ATXN10: variants seen among roughly 807,000 people sequenced by gnomAD.
ATXN10 encodes ataxin-10.
In ATXN10, 28 loss-of-function variants were observed where a neutral mutation model predicts 52.9. The observed-to-expected ratio is 0.53, with a 90% CI of 0.39 to 0.73. The LOEUF is 0.73. Ranked by LOEUF, ATXN10 falls within the 30% of genes least tolerant of loss-of-function variation. ATXN10 has a pLI of 0.00. For synonymous variants in ATXN10, 226 were observed against 221.5 expected (o/e 1.02, Z -0.18); for missense variants, 565 against 577.0 (o/e 0.98, Z 0.21).
rs557605476 is a variant in ATXN10 at position 45,752,091 on chromosome 22, A to G, written c.1173+11553A>G. Reference sequence around the variant, plus strand: ...TTAGTTTGAATTCAAACCTACTGCTATATTGCAGTTAAAGTTGGGAATATT... The same window carrying G: ...TTAGTTTGAATTCAAACCTACTGCTGTATTGCAGTTAAAGTTGGGAATATT... On this transcript the variant is annotated intron_variant, in intron 9 of 11. Coordinates refer to ENST00000252934, the MANE Select transcript of ATXN10 (RefSeq NM_013236.4). Among the ~76,000 whole-genome samples, 9 of 152,288 alleles carry G rather than the reference A, an allele frequency of 5.9e-5. No individual in the cohort carries two copies. The South Asian group carries it at 1.2e-3, about 21-fold the overall frequency.
At chr22:45,822,971 T>A in intron 10 of ATXN10, 1 of 192,244 alleles carries the variant, frequency 5.2e-6, no homozygotes, top group Non-Finnish European at 1.1e-5. Flanking sequence ...AGGATAAAAA[T>A]TATTTGTTCA....
At chr22:45,760,866 A>C (rs1926363626) in intron 9 of ATXN10, among the ~76,000 whole-genome samples, 1 of 152,110 alleles carries the variant, frequency 6.6e-6, no homozygotes, top group Admixed American at 6.5e-5. Context: ...ATCCTCACTG[A>C]TAAGAGCCCC....
rs1924519838 is a variant in ATXN10, at chr22:45,718,286, T to C, written c.648-127T>C. 1 of 800,770 alleles carries C rather than the reference T, an allele frequency of 1.2e-6. No individual in the cohort carries two copies. Among genetic ancestry groups the C allele is most frequent in the Middle Eastern group, 2.5e-4 (1 of 3,942 alleles). The allele number at this position is 800,770 out of a possible 1,614,324, so 49.6% of individuals were successfully genotyped here. A position where few individuals can be genotyped will look rare whatever the true frequency, so the allele number is the denominator to read the frequency against. ...GTGAACCTTTTAAGACATTTAAGAT[T>C]ACAGCAAATCAAAAATTCACTGAAA... On this transcript the variant is annotated intron_variant, in intron 5 of 11. Coordinates refer to ENST00000252934, the MANE Select transcript of ATXN10 (RefSeq NM_013236.4). This position sits in a 1 kb window ranked among gnomAD's most constrained non-coding sequence, Gnocchi z 4.4.
chr22:45,693,323 T>C (rs184505238), intron 3 of ATXN10, among the ~76,000 whole-genome samples: 1 of 152,218 alleles, frequency 6.6e-6, no homozygotes, highest in African/African-American at 2.4e-5. Context: ...CAAAATGCCT[T>C]AGGCTGGGTA....
chr22:45,740,679 TAC>T (rs74268525), intron 9 of ATXN10, 141 bp downstream of exon 9: 8,250 of 391,140 alleles, frequency 0.021, 86 homozygotes, highest in South Asian at 0.028. Context: ...TTTATATGAA[TAC>T]ACACACACAC....
At position 45,790,832 on chromosome 22, in the gene ATXN10, C is replaced by T. The variant is rs950071557; in HGVS notation, c.1174-16127C>T. ...ATCCTGACCTTCTAGATCTTATTTC[C>T]CATTTCATTTATTTTTATTGTTTAT... is the stretch of plus-strand genomic sequence containing the variant. On this transcript the variant is annotated intron_variant, in intron 9 of 11. Coordinates refer to ENST00000252934, the MANE Select transcript of ATXN10 (RefSeq NM_013236.4). The surrounding 1 kb of genome is among the most constrained non-coding windows in gnomAD (Gnocchi z 4.7). Among the ~76,000 whole-genome samples, 3 of 152,140 alleles carry T rather than the reference C, an allele frequency of 2.0e-5. No individual in the cohort carries two copies. The highest frequency in any genetic ancestry group is 7.2e-5 in the African/African-American group (3 of 41,426).
rs534866039 is a variant in ATXN10 at position 45,816,974 on chromosome 22, C to G, written c.1237+9952C>G. On this transcript the variant is annotated intron_variant, in intron 10 of 11. Coordinates refer to ENST00000252934, the MANE Select transcript of ATXN10 (RefSeq NM_013236.4). This position sits in a 1 kb window ranked among gnomAD's most constrained non-coding sequence, Gnocchi z 5.8. ...CCTCAGGGAAGTGTCTTAAACACCTCGAGATGGCGCAGCTGGCTAGGCTCG... is the reference window on the plus strand; with the variant it reads ...CCTCAGGGAAGTGTCTTAAACACCTGGAGATGGCGCAGCTGGCTAGGCTCG... 1.3e-5 allele frequency among the ~76,000 whole-genome samples: 2 copies of G among 152,214 alleles called. No homozygotes were observed. The highest frequency in any genetic ancestry group is 4.2e-4 in the South Asian group (2 of 4,816).
chr22:45,738,453 G>A (rs1292943047), intron 7 of ATXN10: 1 of 381,754 alleles, frequency 2.6e-6, no homozygotes, highest in African/African-American at 2.1e-5. Context: ...CTTTTTGCTT[G>A]AATAAGAACT....
In ATXN10 at chr22:45,835,863, A is replaced by G. The variant is rs551082054; in HGVS notation, c.1238-7128A>G. On this transcript the variant is annotated intron_variant, in intron 10 of 11. Transcript: ENST00000252934. This position sits in a 1 kb window ranked among gnomAD's most constrained non-coding sequence, Gnocchi z 5.0. ...TAGTATTTTTTTTAACACTTTCAGTATTAGCAATTAGCCATTAATTGGTAA... is the reference window on the plus strand; with the variant it reads ...TAGTATTTTTTTTAACACTTTCAGTGTTAGCAATTAGCCATTAATTGGTAA... 1.3e-5 allele frequency among the ~76,000 whole-genome samples: 2 copies of G among 152,288 alleles called. No individual in the cohort carries two copies. The highest frequency in any genetic ancestry group is 3.9e-4 in the East Asian group (2 of 5,190).
intron 10 of ATXN10, among the ~76,000 whole-genome samples, chr22:45,815,573 T>C (rs923882411): frequency 6.6e-6 from 1 of 152,158 alleles, no homozygotes; most frequent in African/African-American, 2.4e-5. Context: ...TTCACTTTTT[T>C]CCTTTCCCTC....
At position 45,822,145 on chromosome 22, in the gene ATXN10, T is replaced by C. The variant is rs367951221; in HGVS notation, c.1237+15123T>C. Reference sequence around the variant, plus strand: ...ATGACTCTGAGATTCACCAAAATTGTGTTTGGTCTATTTTATAGCATTTCA... The same window carrying C: ...ATGACTCTGAGATTCACCAAAATTGCGTTTGGTCTATTTTATAGCATTTCA... On this transcript the variant is annotated intron_variant, in intron 10 of 11. Coordinates refer to ENST00000252934, the MANE Select transcript of ATXN10 (RefSeq NM_013236.4). Among the ~76,000 whole-genome samples the C allele has an allele frequency of 1.1e-4, 16 of 152,350 alleles. No individual in the cohort carries two copies. In the East Asian group the frequency reaches 1.2e-3, roughly 11 times the overall value.
At chr22:45,679,748 G>A (rs1260801133) in intron 1 of ATXN10, 3 of 152,158 alleles carry the variant, frequency 2.0e-5, no homozygotes, top group African/African-American at 4.8e-5. Context: ...AGAGTGTGCT[G>A]GCAATTTCCT....
chr22:45,701,577 C>T lies in ATXN10; in HGVS notation c.489-1112C>T, dbSNP rs1004038063. On this transcript the variant is annotated intron_variant, in intron 4 of 11. Coordinates refer to ENST00000252934, the MANE Select transcript of ATXN10 (RefSeq NM_013236.4). This position sits in a 1 kb window ranked among gnomAD's most constrained non-coding sequence, Gnocchi z 4.2. ...GAGCTTAGGTGGAAGAAGAGAATTA[C>T]GAAATTCAAGCTACAGAAATAGGCA... Among the ~76,000 whole-genome samples, 6 of 152,270 alleles carry T rather than the reference C, an allele frequency of 3.9e-5. No homozygotes were observed. The highest frequency in any genetic ancestry group is 1.9e-4 in the East Asian group (1 of 5,186).
At chr22:45,740,601 A>C (rs1308047077) in intron 9 of ATXN10, 63 bp downstream of exon 9, 2 of 1,529,726 alleles carry the variant, frequency 1.3e-6, no homozygotes, top group Admixed American at 3.4e-5. Context: ...AGTCCTTGGA[A>C]GACATTCACT....
In ATXN10 at chr22:45,835,369, G is replaced by A. The variant is rs900377726; in HGVS notation, c.1238-7622G>A. On this transcript the variant is annotated intron_variant, in intron 10 of 11. Coordinates refer to ENST00000252934, the MANE Select transcript of ATXN10 (RefSeq NM_013236.4). This position sits in a 1 kb window ranked among gnomAD's most constrained non-coding sequence, Gnocchi z 5.0. ...GCACTGGTGCCACAGCCCTTCGCTC[G>A]GGCCCACGGGGTGCAGTGGAGGAAG... 3.9e-5 allele frequency among the ~76,000 whole-genome samples: 6 copies of A among 152,168 alleles called. No homozygotes were observed. Among genetic ancestry groups the A allele is most frequent in the Admixed American group, 6.5e-5 (1 of 15,268 alleles).
At chr22:45,810,287 G>A (rs980484438) in intron 10 of ATXN10, among the ~76,000 whole-genome samples, 11 of 152,208 alleles carry the variant, frequency 7.2e-5, no homozygotes, top group African/African-American at 2.7e-4. Flanking sequence ...CCCTGCATCA[G>A]TATGATGGTC....
chr22:45,798,389 C>G (rs1379264423), intron 9 of ATXN10, among the ~76,000 whole-genome samples: 1 of 152,162 alleles, frequency 6.6e-6, no homozygotes, highest in Admixed American at 6.5e-5. Context: ...AAAGCAGACA[C>G]TTTAATTCTC....
At chr22:45,755,695 T>C (rs1231789470) in intron 9 of ATXN10, among the ~76,000 whole-genome samples, 1 of 152,196 alleles carries the variant, frequency 6.6e-6, no homozygotes, top group Non-Finnish European at 1.5e-5. Flanking sequence ...TTCAAGACCC[T>C]GAAAAAGTAA....
chr22:45,799,691 A>G (rs1020040178), intron 9 of ATXN10, among the ~76,000 whole-genome samples: 1 of 152,174 alleles, frequency 6.6e-6, no homozygotes. Context: ...TAAAACAATA[A>G]ATTCCTGTCT....
Sources: gnomAD v4.1 joint callset for allele counts (sites outside exome capture counted in the v4.1 genomes callset) on GRCh38, gnomAD v4.1.1 for gene constraint, Gnocchi (gnomAD v3.1) non-coding constraint, MANE v1.5 for transcripts, NCBI Gene and HGNC (gene_info 2026-07-23, HGNC 2026-07-21) for gene names.